Variants in SEMA3F observed in about 807,000 individuals in gnomAD.
SEMA3F encodes semaphorin 3F, also known as semaphorin-3F.
Under a neutral mutation model 98.5 loss-of-function variants are expected in SEMA3F, and 30 were observed. That is an observed-to-expected ratio of 0.30 (90% CI 0.23 to 0.41). The LOEUF (loss-of-function observed/expected upper bound fraction) is 0.41, where lower values mean the gene tolerates loss of function less well. Among genes scored for constraint, SEMA3F ranks in the 10% least tolerant of loss-of-function variants. SEMA3F has a pLI of 1.00. For synonymous variants in SEMA3F, 380 were observed against 444.8 expected (o/e 0.85, Z 1.83); for missense variants, 866 against 1,119.3 (o/e 0.77, Z 3.23).
At chr3:50,155,075 G>T (rs753544995), upstream of SEMA3F, 15 of 377,086 alleles carry the variant, frequency 4.0e-5, no homozygotes, top group Non-Finnish European at 4.8e-6. The surrounding 1 kb of genome is among the most constrained non-coding windows in gnomAD (Gnocchi z 4.9). Flanking sequence ...CCGTCCCGCC[G>T]GCGGCCGCGA....
intron 7 of SEMA3F, among the ~76,000 whole-genome samples, chr3:50,179,176 C>T (rs1698930207): frequency 6.6e-6 from 1 of 152,072 alleles, no homozygotes; most frequent in Non-Finnish European, 1.5e-5. Flanking sequence ...TAAATGAGCA[C>T]TGGCTTCAAC....
chr3:50,186,386 A>T, intron 17 of SEMA3F, 38 bp downstream of exon 17: 1 of 1,593,932 alleles, frequency 6.3e-7, no homozygotes, highest in Non-Finnish European at 8.6e-7. Context: ...TGCTGCTCAC[A>T]CTGCAGAAGT....
At chr3:50,186,768 T>C (rs762678468) in intron 18 of SEMA3F, 22 bp downstream of exon 18, 2 of 1,575,870 alleles carry the variant, frequency 1.3e-6, no homozygotes, top group Admixed American at 1.8e-5. Flanking sequence ...CGCCCGGTGC[T>C]GCACCGTGGA....
chr3:50,164,427 A>C (rs1284886301), intron 2 of SEMA3F, among the ~76,000 whole-genome samples: 2 of 152,242 alleles, frequency 1.3e-5, no homozygotes, highest in African/African-American at 4.8e-5. Context: ...AGTGAGCCTC[A>C]GAGTGGGCTC....
chr3:50,170,533 G>A (rs540105911), intron 2 of SEMA3F, among the ~76,000 whole-genome samples: 1 of 152,242 alleles, frequency 6.6e-6, no homozygotes, highest in African/African-American at 2.4e-5. Context: ...CACCCATGAA[G>A]GATGGGTTGG....
At chr3:50,167,328 G>C (rs1257726622) in intron 2 of SEMA3F, among the ~76,000 whole-genome samples, 1 of 152,242 alleles carries the variant, frequency 6.6e-6, no homozygotes, top group East Asian at 1.9e-4. Context: ...GACCCCATCT[G>C]CTGGGACAGA....
intron 5 of SEMA3F, among the ~76,000 whole-genome samples, chr3:50,174,621 C>T (rs534820322): frequency 6.6e-6 from 1 of 152,388 alleles, no homozygotes; most frequent in East Asian, 1.9e-4. Context: ...AGCACTTGCT[C>T]CATATGTGGC....
At chr3:50,186,417 C>T in intron 17 of SEMA3F, 69 bp downstream of exon 17, 1 of 1,519,364 alleles carries the variant, frequency 6.6e-7, no homozygotes, top group South Asian at 1.1e-5. Flanking sequence ...CACGAAGCTG[C>T]TCACAGGGCC....
At chr3:50,159,773 T>C in intron 2 of SEMA3F, 39 bp downstream of exon 2, 1 of 1,359,248 alleles carries the variant, frequency 7.4e-7, no homozygotes, top group Non-Finnish European at 1.1e-6. Context: ...AATCATCCTC[T>C]CTTTACAATA....
chr3:50,186,426 C>T (rs1357655809), intron 17 of SEMA3F, 78 bp downstream of exon 17: 1 of 1,491,248 alleles, frequency 6.7e-7, no homozygotes, highest in Non-Finnish European at 9.3e-7. Flanking sequence ...GCTCACAGGG[C>T]CCCCACTGTA....
At chr3:50,160,119 C>T (rs1338899436) in intron 2 of SEMA3F, among the ~76,000 whole-genome samples, 1 of 152,174 alleles carries the variant, frequency 6.6e-6, no homozygotes, top group Non-Finnish European at 1.5e-5. Flanking sequence ...CTGCCCTGAG[C>T]AGCCCCTGGG....
In SEMA3F at chr3:50,185,683, G is replaced by A; in HGVS notation, c.1563G>A (p.Lys521=). Residue 521 remains lysine (K), a synonymous_variant, in exon 15 of 19, where the codon AAG becomes AAA. Coordinates refer to ENST00000002829, the MANE Select transcript of SEMA3F (RefSeq NM_004186.5). ...VEVFKDPAPV[K]TMTISSKRQQ... Reference sequence around the variant, plus strand: ...TTTTCTAGGATCCAGCACCCGTCAAGACCATGACCATCTCTTCTAAGAGGG... The same window carrying A: ...TTTTCTAGGATCCAGCACCCGTCAAAACCATGACCATCTCTTCTAAGAGGG... 6.2e-7 allele frequency: 1 copy of A among 1,614,168 alleles called. No homozygotes were observed. Among genetic ancestry groups the A allele is most frequent in the Non-Finnish European group, 8.5e-7 (1 of 1,180,022 alleles).
At chr3:50,179,242 C>G (rs1280026416) in intron 7 of SEMA3F, among the ~76,000 whole-genome samples, 1 of 152,048 alleles carries the variant, frequency 6.6e-6, no homozygotes, top group African/African-American at 2.4e-5. Flanking sequence ...TCGTTCGAAG[C>G]TTTGAAGCCA....
intron 17 of SEMA3F, 85 bp downstream of exon 17, chr3:50,186,433 T>C: frequency 2.7e-6 from 4 of 1,471,724 alleles, no homozygotes; most frequent in Non-Finnish European, 3.8e-6. Context: ...GGGCCCCCAC[T>C]GTAAGGGTGC....
At chr3:50,165,456 G>C (rs988912101) in intron 2 of SEMA3F, among the ~76,000 whole-genome samples, 2 of 152,204 alleles carry the variant, frequency 1.3e-5, no homozygotes, top group Admixed American at 6.5e-5. Flanking sequence ...TGGTTGGGAC[G>C]CACAGTTGGC....
At chr3:50,180,045 C>T (rs1698961934) in intron 7 of SEMA3F, among the ~76,000 whole-genome samples, 1 of 152,226 alleles carries the variant, frequency 6.6e-6, no homozygotes, top group Non-Finnish European at 1.5e-5. Context: ...CCTTTGCATT[C>T]ACAACTTGGC....
At chr3:50,169,365 C>T (rs372304091) in intron 2 of SEMA3F, among the ~76,000 whole-genome samples, 1 of 152,294 alleles carries the variant, frequency 6.6e-6, no homozygotes, top group Non-Finnish European at 1.5e-5. Flanking sequence ...TGTGCCAGGC[C>T]GCTTTGGGCT....
rs760533853 is a variant in SEMA3F at position 50,186,659 on chromosome 3, C to T, written c.1860C>T (p.Ser620=). ...CTGTGCAGTATGGCGTGGCCGGCAG[C>T]GCAGCCTTCCTTGAGTGCCAGCCCC... ...VESVQYGVAG[S]AAFLECQPRS... is the part of the protein sequence containing the mutation. Residue 620 remains serine, a synonymous_variant, in exon 18 of 19, where the codon AGC becomes AGT. Transcript: ENST00000002829. The T allele has an allele frequency of 1.6e-5, 26 of 1,608,906 alleles. No individual in the cohort carries two copies. The highest frequency in any genetic ancestry group is 1.3e-4 in the African/African-American group (10 of 74,864).
At chr3:50,179,517 C>T (rs1698945744) in intron 7 of SEMA3F, among the ~76,000 whole-genome samples, 1 of 152,014 alleles carries the variant, frequency 6.6e-6, no homozygotes, top group Admixed American at 6.5e-5. Flanking sequence ...GTAGAGAAAG[C>T]GTCTCGCCAT....
Sources: allele counts gnomAD v4.1 joint callset (sites outside exome capture counted in the v4.1 genomes callset), GRCh38; gene constraint gnomAD v4.1.1; non-coding constraint Gnocchi (gnomAD v3.1); transcripts MANE v1.5; gene names NCBI Gene and HGNC (gene_info 2026-07-23, HGNC 2026-07-21).